GAD2: variants seen among roughly 807,000 people sequenced by gnomAD.
GAD2 encodes 65 kDa glutamic acid decarboxylase.
GAD2 carries 22 observed loss-of-function variants against 80.1 expected under a neutral mutation model. The observed-to-expected ratio is 0.27, with a 90% CI of 0.20 to 0.39. The LOEUF (loss-of-function observed/expected upper bound fraction) is 0.39, where lower values mean the gene tolerates loss of function less well. Ranked by LOEUF, GAD2 falls within the 10% of genes least tolerant of loss-of-function variation. GAD2 has a pLI of 1.00. For missense variants in GAD2, 624 were observed against 738.4 expected, an observed-to-expected ratio of 0.85 and a Z score of 1.80; for synonymous variants, 274 against 256.9, an observed-to-expected ratio of 1.07 and a Z score of -0.64.
intron 8 of GAD2, among the ~76,000 whole-genome samples, chr10:26,265,868 T>C (rs1312858518): frequency 6.6e-6 from 1 of 152,202 alleles, no homozygotes; most frequent in East Asian, 1.9e-4. Flanking sequence ...CACCCAATTG[T>C]CTCTGTCCCC....
intron 7 of GAD2, among the ~76,000 whole-genome samples, chr10:26,231,184 G>A (rs1166178867): frequency 6.6e-6 from 1 of 152,208 alleles, no homozygotes; most frequent in Non-Finnish European, 1.5e-5. Flanking sequence ...CAATCAGGAA[G>A]CCCTCTGATA....
intron 8 of GAD2, among the ~76,000 whole-genome samples, chr10:26,252,614 G>A (rs970922146): frequency 6.6e-6 from 1 of 151,988 alleles, no homozygotes; most frequent in Non-Finnish European, 1.5e-5. Context: ...GCCTCCCAAA[G>A]TTCTGGGATT....
intron 7 of GAD2, among the ~76,000 whole-genome samples, chr10:26,231,226 G>T (rs1844597800): frequency 6.6e-6 from 1 of 152,204 alleles, no homozygotes; most frequent in African/African-American, 2.4e-5. Context: ...GAGGGAGGAA[G>T]GGCCTAGAGG....
chr10:26,230,858 C>T (rs1309576312), intron 7 of GAD2, among the ~76,000 whole-genome samples: 1 of 152,020 alleles, frequency 6.6e-6, no homozygotes, highest in Non-Finnish European at 1.5e-5. Context: ...GAGGCTGAGG[C>T]AGGTAGATCA....
chr10:26,290,233 G>A (rs908457841), intron 13 of GAD2, among the ~76,000 whole-genome samples: 27 of 152,210 alleles, frequency 1.8e-4, no homozygotes, highest in African/African-American at 6.5e-4. Flanking sequence ...GGATAAGAAG[G>A]CTCTCATTTT....
At chr10:26,248,989 C>A (rs1391359640) in intron 8 of GAD2, among the ~76,000 whole-genome samples, 4 of 151,550 alleles carry the variant, frequency 2.6e-5, no homozygotes, top group African/African-American at 9.7e-5. Context: ...CAGTAGGAGG[C>A]CCTAGCAATT....
chr10:26,216,941 G>A lies in GAD2; in HGVS notation c.76+56G>A. The A allele has an allele frequency of 6.8e-7, 1 of 1,465,606 alleles. No homozygotes were observed. Among genetic ancestry groups the A allele is most frequent in the South Asian group, 1.2e-5 (1 of 85,750 alleles). The allele number at this position is 1,465,606 out of a possible 1,614,324, so 90.8% of individuals were successfully genotyped here. On this transcript the variant is annotated intron_variant, in intron 1 of 15. Transcript: ENST00000376261. This position sits in a 1 kb window ranked among gnomAD's most constrained non-coding sequence, Gnocchi z 4.7. The stretch of plus-strand genomic sequence containing the variant: ...CGAGTTTTGCGGTGGTCTGGGGTTT[G>A]CGGAACTACGGAGAAGACGAAGGAG...
At chr10:26,224,385 C>T (rs770269309) in intron 5 of GAD2, among the ~76,000 whole-genome samples, 154 bp from the exon 6 acceptor site, 1 of 152,068 alleles carries the variant, frequency 6.6e-6, no homozygotes. Context: ...TTTTGGAAGG[C>T]CTTTTTGAAA....
intron 6 of GAD2, among the ~76,000 whole-genome samples, chr10:26,226,020 G>T (rs1844517569): frequency 6.6e-6 from 1 of 152,146 alleles, no homozygotes. Context: ...TCCCACCCTT[G>T]TGTGGTTGGT....
chr10:26,275,450 AAC>A (rs900712633), intron 11 of GAD2, among the ~76,000 whole-genome samples: 3 of 152,350 alleles, frequency 2.0e-5, no homozygotes, highest in Admixed American at 6.5e-5. Context: ...TTCATCAGGG[AAC>A]ACAGAGTTTC....
chr10:26,301,747 A>C lies in GAD2; in HGVS notation c.*786A>C, dbSNP rs186445989. The C allele has an allele frequency of 6.6e-6, 1 of 152,358 alleles. No homozygotes were observed. Among genetic ancestry groups the C allele is most frequent in the East Asian group, 1.9e-4 (1 of 5,192 alleles). 9.4% of individuals were successfully genotyped at this position (152,358 alleles called of 1,614,324 possible). Reference sequence around the variant, plus strand: ...AAAAGAATACTGCGAGTTCTTTAAAATAATTGATCCCATTGGCAGTAAGAT... The same window carrying C: ...AAAAGAATACTGCGAGTTCTTTAAACTAATTGATCCCATTGGCAGTAAGAT... On this transcript the variant is annotated 3_prime_UTR_variant, in exon 16 of 16. Coordinates refer to ENST00000376261, the MANE Select transcript of GAD2 (RefSeq NM_001134366.2).
At chr10:26,279,523 G>T (rs1845249382) in intron 11 of GAD2, among the ~76,000 whole-genome samples, 1 of 152,198 alleles carries the variant, frequency 6.6e-6, no homozygotes. Flanking sequence ...AAAGAAAACT[G>T]TCAGTGATTT....
chr10:26,270,600 A>G, intron 9 of GAD2, 40 bp from the exon 10 acceptor site: 3 of 1,384,258 alleles, frequency 2.2e-6, no homozygotes, highest in Non-Finnish European at 3.1e-6. Context: ...AGAACCCTTG[A>G]CTCTGTTTTC....
At chr10:26,268,039 T>C (rs981166820) in intron 8 of GAD2, among the ~76,000 whole-genome samples, 15 of 152,302 alleles carry the variant, frequency 9.8e-5, no homozygotes, top group African/African-American at 3.6e-4. Flanking sequence ...GCCAATAGCA[T>C]CCCACAACCA....
At chr10:26,275,665 A>G (rs1845192086) in intron 11 of GAD2, among the ~76,000 whole-genome samples, 1 of 152,240 alleles carries the variant, frequency 6.6e-6, no homozygotes, top group African/African-American at 2.4e-5. Flanking sequence ...CAGTTGGAAG[A>G]CCAGTGGAAA....
At chr10:26,273,214 T>C (rs1009618072) in intron 10 of GAD2, among the ~76,000 whole-genome samples, 1 of 152,242 alleles carries the variant, frequency 6.6e-6, no homozygotes, top group Non-Finnish European at 1.5e-5. Context: ...CCACTTCTTA[T>C]TTCTGGAATC....
intron 7 of GAD2, among the ~76,000 whole-genome samples, chr10:26,241,819 C>A (rs79325153): frequency 1.3e-5 from 2 of 151,932 alleles, no homozygotes; most frequent in Non-Finnish European, 2.9e-5. Flanking sequence ...AGGTTGTTAT[C>A]TTCTGAGGTG....
intron 7 of GAD2, among the ~76,000 whole-genome samples, chr10:26,235,445 G>A (rs12243037): frequency 0.19 from 28,606 of 152,124 alleles, 2,807 homozygotes; most frequent in East Asian, 0.3. Context: ...CACCAACACC[G>A]ACTAGAGCTT....
intron 8 of GAD2, among the ~76,000 whole-genome samples, chr10:26,250,755 A>T (rs540018865): frequency 2.4e-4 from 37 of 152,238 alleles, no homozygotes; most frequent in African/African-American, 8.9e-4. Context: ...ACTTTTTTTA[A>T]AAAAAAGAAA....
Sources: gnomAD v4.1 joint callset for allele counts (sites outside exome capture counted in the v4.1 genomes callset) on GRCh38, gnomAD v4.1.1 for gene constraint, Gnocchi (gnomAD v3.1) non-coding constraint, MANE v1.5 for transcripts, NCBI Gene and HGNC (gene_info 2026-07-23, HGNC 2026-07-21) for gene names.